GRID2: variants seen among roughly 807,000 people sequenced by gnomAD.
GRID2 encodes the protein glutamate receptor ionotropic, delta-2.
A neutral mutation model predicts 114.8 loss-of-function variants in GRID2; 33 were observed. The observed-to-expected ratio is 0.29, with a 90% CI of 0.22 to 0.38. GRID2 has a LOEUF of 0.38. GRID2 is among the 10% of genes least tolerant of loss of function. GRID2 has a pLI of 1.00. For missense variants in GRID2, 1,184 were observed against 1,257.7 expected (o/e 0.94, Z 0.89); for synonymous variants, 505 against 449.9 (o/e 1.12, Z -1.55).
At chr4:92,673,359 A>G (rs1016383996) in intron 2 of GRID2, among the ~76,000 whole-genome samples, 3 of 152,182 alleles carry the variant, frequency 2.0e-5, no homozygotes, top group South Asian at 2.1e-4. Flanking sequence ...TCATTTCTAC[A>G]TACGCTATTT....
At chr4:92,606,194 G>A (rs1164771181) in intron 2 of GRID2, among the ~76,000 whole-genome samples, 1 of 151,766 alleles carries the variant, frequency 6.6e-6, no homozygotes, top group Non-Finnish European at 1.5e-5. Context: ...GTACAAAAGA[G>A]CCTCATTTGA....
At chr4:92,854,303 A>G (rs1458556292) in intron 2 of GRID2, among the ~76,000 whole-genome samples, 1 of 152,088 alleles carries the variant, frequency 6.6e-6, no homozygotes, top group African/African-American at 2.4e-5. Context: ...AAGACTTATT[A>G]CTACTTTCTT....
intron 13 of GRID2, among the ~76,000 whole-genome samples, chr4:93,565,479 T>C (rs1735319696): frequency 6.6e-6 from 1 of 152,162 alleles, no homozygotes; most frequent in South Asian, 2.1e-4. Context: ...GACAGAAGTT[T>C]AAATTTTCAG....
rs142440295 is a variant in GRID2 at position 93,345,162 on chromosome 4, A to T, written c.1246-50445A>T. Among the ~76,000 whole-genome samples the T allele has an allele frequency of 4.6e-5, 7 of 152,208 alleles. No homozygotes were observed. The South Asian group carries it at 1.4e-3, about 32-fold the overall frequency. ...AACATACTGATTTTATTTCTTTTGT[A>T]TATATACTCAGAAGTAGGATTGCTG... is the stretch of plus-strand genomic sequence containing the variant. On this transcript the variant is annotated intron_variant, in intron 8 of 15. Coordinates refer to ENST00000282020, the MANE Select transcript of GRID2 (RefSeq NM_001510.4).
chr4:92,892,749 T>C (rs1437044482), intron 2 of GRID2, among the ~76,000 whole-genome samples: 1 of 152,216 alleles, frequency 6.6e-6, no homozygotes, highest in Non-Finnish European at 1.5e-5. Flanking sequence ...ATTTTTAAAA[T>C]CTAAAATCAT....
At chr4:92,718,945 G>A (rs1241939186) in intron 2 of GRID2, among the ~76,000 whole-genome samples, 1 of 151,442 alleles carries the variant, frequency 6.6e-6, no homozygotes, top group African/African-American at 2.4e-5. Flanking sequence ...TTTCACTTAG[G>A]ATAAATTTTG....
chr4:93,667,456 A>G lies in GRID2; in HGVS notation c.2360+41021A>G, dbSNP rs144648278. Among the ~76,000 whole-genome samples the G allele has an allele frequency of 3.1e-3, 475 of 151,552 alleles. 2 individuals carry two copies. The highest frequency in any genetic ancestry group is 0.011 in the African/African-American group (463 of 41,340). On this transcript the variant is annotated intron_variant, in intron 14 of 15. Coordinates refer to ENST00000282020, the MANE Select transcript of GRID2 (RefSeq NM_001510.4). ...GATAACCAGGAGGTACCACCTATGG[A>G]GAAGACTTATCTTTACTGCCTTTGA...
In GRID2 at chr4:92,482,031, TATAA is replaced by T. The variant is rs1274518334; in HGVS notation, c.89-108098_89-108095del. Among the ~76,000 whole-genome samples, 134 of 57,826 alleles carry T rather than the reference TATAA, an allele frequency of 2.3e-3. 9 individuals are homozygous for T. Among genetic ancestry groups the T allele is most frequent in the African/African-American group, 8.7e-3 (124 of 14,320 alleles). 37.9% of individuals were successfully genotyped at this position (57,826 alleles called of 152,430 possible). A position where few individuals can be genotyped will look rare whatever the true frequency, so the allele number is the denominator to read the frequency against. ...ATATATATATATATATATATATATA[TATAA>T]AATAACAATACAAGCTTATAGCTGC... On this transcript the variant is annotated intron_variant, in intron 1 of 15. Coordinates refer to ENST00000282020, the MANE Select transcript of GRID2 (RefSeq NM_001510.4).
intron 5 of GRID2, among the ~76,000 whole-genome samples, chr4:93,216,380 A>G (rs573405622): frequency 4.0e-5 from 6 of 151,368 alleles, no homozygotes; most frequent in Non-Finnish European, 7.4e-5. Flanking sequence ...TTAATTAATA[A>G]TAAACTATAA....
At chr4:92,829,641 A>T (rs1319071576) in intron 2 of GRID2, among the ~76,000 whole-genome samples, 1 of 152,186 alleles carries the variant, frequency 6.6e-6, no homozygotes, top group Non-Finnish European at 1.5e-5. Flanking sequence ...ACATATGTTT[A>T]TTGCAGCACT....
At chr4:93,428,607 A>G (rs972998248) in intron 10 of GRID2, among the ~76,000 whole-genome samples, 2 of 152,188 alleles carry the variant, frequency 1.3e-5, no homozygotes, top group African/African-American at 4.8e-5. Context: ...TTTCAAACAC[A>G]CATTTCTATT....
intron 2 of GRID2, among the ~76,000 whole-genome samples, chr4:93,018,617 A>G (rs1722994419): frequency 6.6e-6 from 1 of 152,158 alleles, no homozygotes; most frequent in Non-Finnish European, 1.5e-5. Context: ...CCAGGTCTTC[A>G]CAAAGAATAC....
At chr4:93,551,429 G>C (rs1311566815) in intron 13 of GRID2, among the ~76,000 whole-genome samples, 2 of 152,114 alleles carry the variant, frequency 1.3e-5, no homozygotes, top group East Asian at 3.9e-4. Context: ...AGAGGGAAAG[G>C]CTAGCAGAAA....
intron 2 of GRID2, among the ~76,000 whole-genome samples, chr4:92,915,585 T>C (rs912667464): frequency 1.5e-4 from 23 of 152,136 alleles, no homozygotes; most frequent in African/African-American, 5.5e-4. Flanking sequence ...TACCCAGAAA[T>C]GGGATTGCTG....
At chr4:93,453,676 C>T (rs1052165025) in intron 10 of GRID2, among the ~76,000 whole-genome samples, 1 of 151,868 alleles carries the variant, frequency 6.6e-6, no homozygotes, top group Non-Finnish European at 1.5e-5. Context: ...AAAAGTAAAA[C>T]ATATAATTAT....
intron 2 of GRID2, among the ~76,000 whole-genome samples, chr4:92,978,612 A>C (rs968138147): frequency 1.3e-5 from 2 of 152,194 alleles, no homozygotes; most frequent in African/African-American, 4.8e-5. Flanking sequence ...GGTATAAAAC[A>C]AATTATGGAT....
intron 1 of GRID2, among the ~76,000 whole-genome samples, chr4:92,372,385 C>G (rs950063424): frequency 2.6e-5 from 4 of 152,020 alleles, no homozygotes; most frequent in African/African-American, 9.7e-5. Flanking sequence ...AAGAAATTGC[C>G]ACAACCACTC....
At chr4:93,129,836 T>C (rs1482880977) in intron 4 of GRID2, among the ~76,000 whole-genome samples, 2 of 152,142 alleles carry the variant, frequency 1.3e-5, no homozygotes, top group Non-Finnish European at 2.9e-5. Context: ...TACAACAAAT[T>C]TGGGGTGTTC....
At chr4:92,332,104 G>A (rs1018390675) in intron 1 of GRID2, among the ~76,000 whole-genome samples, 3 of 152,130 alleles carry the variant, frequency 2.0e-5, no homozygotes, top group Non-Finnish European at 4.4e-5. Context: ...CATTTTCAGT[G>A]ATAGTACTTT....
Sources: gnomAD v4.1 joint callset for allele counts (sites outside exome capture counted in the v4.1 genomes callset) on GRCh38, gnomAD v4.1.1 for gene constraint, MANE v1.5 for transcripts, NCBI Gene and HGNC (gene_info 2026-07-23, HGNC 2026-07-21) for gene names.